Variants in FHIP1A observed in about 807,000 individuals in gnomAD.
FHIP1A encodes FHF complex subunit HOOK-interacting protein 1A.
Under a neutral mutation model 88.6 loss-of-function variants are expected in FHIP1A, and 61 were observed. The ratio of observed to expected loss-of-function variants is 0.69; its 90% CI spans 0.56 to 0.85. FHIP1A has a LOEUF of 0.85. Ranked by LOEUF, FHIP1A falls within the 40% of genes least tolerant of loss-of-function variation. The pLI is 0.00. For missense variants in FHIP1A, 1,154 were observed against 1,273.5 expected (o/e 0.91, Z 1.43); for synonymous variants, 478 against 496.0 (o/e 0.96, Z 0.48).
intron 7 of FHIP1A, among the ~76,000 whole-genome samples, chr4:151,621,426 T>G (rs1438209864): frequency 6.6e-6 from 1 of 152,112 alleles, no homozygotes; most frequent in Non-Finnish European, 1.5e-5. Context: ...GAAATCTGTC[T>G]TTTATCATCA....
At position 151,542,730 on chromosome 4, in the gene FHIP1A, C is replaced by G. The variant is rs1732343055; in HGVS notation, c.-122-23408C>G. 2.6e-5 allele frequency among the ~76,000 whole-genome samples: 4 copies of G among 152,196 alleles called. No individual in the cohort carries two copies. The South Asian group carries it at 8.3e-4, about 32-fold the overall frequency. On this transcript the variant is annotated intron_variant, in intron 3 of 13. Transcript: ENST00000435205. ...GTGGCAGTTCCTGCTCCTCAAAAGT[C>G]AGTTGTCTTCCCTGGGGGAAATAAG...
chr4:151,459,237 G>T (rs1343406079), intron 2 of FHIP1A, among the ~76,000 whole-genome samples: 1 of 151,436 alleles, frequency 6.6e-6, no homozygotes, highest in Non-Finnish European at 1.5e-5. Flanking sequence ...CTTGACTTTT[G>T]TTCCTGAAAA....
At chr4:151,600,992 C>T (rs1734847030) in intron 7 of FHIP1A, among the ~76,000 whole-genome samples, 1 of 152,090 alleles carries the variant, frequency 6.6e-6, no homozygotes, top group Admixed American at 6.5e-5. Context: ...TTTATAGTAG[C>T]AGTATTAAAG....
Position 151,650,295 on chromosome 4 carries a change from A to G in FHIP1A, c.2254A>G (p.Ile752Val), listed in dbSNP as rs1736976893. 1.3e-6 allele frequency: 2 copies of G among 1,550,694 alleles called. No homozygotes were observed. The highest frequency in any genetic ancestry group is 1.7e-6 in the Non-Finnish European group (2 of 1,146,180). ...CGCCCACCCGGAGAGCGAGGAGCTCATTGCCCAGTATGACCAAATCATTAA... is the reference window on the plus strand; with the variant it reads ...CGCCCACCCGGAGAGCGAGGAGCTCGTTGCCCAGTATGACCAAATCATTAA... ...TAAHPESEELIAQYDQIIKEL... is the reference protein window; with the variant it reads ...TAAHPESEELVAQYDQIIKEL... The change falls in exon 11 of 14, where the codon ATT becomes GTT. Residue 752 changes from isoleucine (I) to valine (V), a missense_variant. Physicochemically the swap from Ile to Val is conservative, Grantham distance 29. Coordinates refer to ENST00000435205, the MANE Select transcript of FHIP1A (RefSeq NM_001109977.3).
chr4:151,414,464 TC>T (rs1347895696), intron 1 of FHIP1A, among the ~76,000 whole-genome samples: 1 of 152,210 alleles, frequency 6.6e-6, no homozygotes, highest in African/African-American at 2.4e-5. Flanking sequence ...GTTTTTCGAG[TC>T]TGCAGAATCT....
intron 8 of FHIP1A, among the ~76,000 whole-genome samples, chr4:151,633,763 A>G (rs1736243922): frequency 6.6e-6 from 1 of 151,954 alleles, no homozygotes; most frequent in Admixed American, 6.6e-5. Context: ...CCCTTTCATG[A>G]TAAAAGCACT....
chr4:151,494,929 C>T (rs974705781), intron 3 of FHIP1A, among the ~76,000 whole-genome samples: 2 of 152,070 alleles, frequency 1.3e-5, no homozygotes. Context: ...AGGTATTTTT[C>T]TTTTTGTGGC....
At chr4:151,506,737 C>T (rs955597138) in intron 3 of FHIP1A, among the ~76,000 whole-genome samples, 8 of 152,138 alleles carry the variant, frequency 5.3e-5, no homozygotes, top group East Asian at 3.9e-4. Context: ...CCCACCAGGC[C>T]GCATCTCCAA....
At chr4:151,598,298 C>T (rs1034357429) in intron 7 of FHIP1A, among the ~76,000 whole-genome samples, 1 of 152,296 alleles carries the variant, frequency 6.6e-6, no homozygotes, top group Non-Finnish European at 1.5e-5. Flanking sequence ...AGTTCCCCGA[C>T]TCCTCGAGCT....
At chr4:151,599,689 G>A (rs1734788735) in intron 7 of FHIP1A, among the ~76,000 whole-genome samples, 1 of 152,220 alleles carries the variant, frequency 6.6e-6, no homozygotes. Context: ...CAGAGCAAAT[G>A]TGGAGAAGAT....
intron 7 of FHIP1A, among the ~76,000 whole-genome samples, chr4:151,628,887 T>C (rs930625983): frequency 6.6e-6 from 1 of 152,218 alleles, no homozygotes; most frequent in African/African-American, 2.4e-5. Context: ...TGCTAGCTCT[T>C]AAAATACTCC....
At chr4:151,495,602 T>C (rs1322490636) in intron 3 of FHIP1A, among the ~76,000 whole-genome samples, 1 of 151,534 alleles carries the variant, frequency 6.6e-6, no homozygotes, top group Non-Finnish European at 1.5e-5. Context: ...TGATTTTTAT[T>C]ATCTTTTTGT....
chr4:151,638,566 A>T (rs1304296584), intron 8 of FHIP1A, 111 bp from the exon 9 acceptor site: 3 of 182,446 alleles, frequency 1.6e-5, no homozygotes, highest in African/African-American at 5.2e-5. Flanking sequence ...CAAAACTGCT[A>T]AAAAAAAAAA....
At chr4:151,546,893 G>A (rs1328813076) in intron 3 of FHIP1A, among the ~76,000 whole-genome samples, 2 of 152,188 alleles carry the variant, frequency 1.3e-5, no homozygotes, top group Non-Finnish European at 2.9e-5. Context: ...CTGGCCTCAA[G>A]AGGTAGGGGG....
At chr4:151,455,169 C>T (rs1436842080) in intron 2 of FHIP1A, among the ~76,000 whole-genome samples, 1 of 152,176 alleles carries the variant, frequency 6.6e-6, no homozygotes, top group Non-Finnish European at 1.5e-5. Context: ...ATTTTACACA[C>T]ACAACTTATA....
At chr4:151,621,247 T>C in intron 7 of FHIP1A, among the ~76,000 whole-genome samples, 1 of 152,134 alleles carries the variant, frequency 6.6e-6, no homozygotes, top group East Asian at 1.9e-4. Flanking sequence ...TCTGATGGGA[T>C]GCTCCTCTGT....
In FHIP1A at chr4:151,663,737, A is replaced by G. The variant is rs891517250; in HGVS notation, c.*983A>G. On this transcript the variant is annotated 3_prime_UTR_variant, in exon 14 of 14. Transcript: ENST00000435205. ...AACACTGATCATTATTTAAAATTCTATTCCCTTTTGCTAGTAAGCTGCACT... is the reference window on the plus strand; with the variant it reads ...AACACTGATCATTATTTAAAATTCTGTTCCCTTTTGCTAGTAAGCTGCACT... 1.3e-5 allele frequency: 2 copies of G among 152,194 alleles called. No homozygotes were observed. Among genetic ancestry groups the G allele is most frequent in the African/African-American group, 4.8e-5 (2 of 41,448 alleles). The allele number at this position is 152,194 out of a possible 1,614,324, so 9.4% of individuals were successfully genotyped here.
intron 2 of FHIP1A, among the ~76,000 whole-genome samples, chr4:151,476,948 T>A (rs1023476594): frequency 1.3e-5 from 2 of 152,068 alleles, no homozygotes; most frequent in African/African-American, 4.8e-5. Flanking sequence ...ATGCTGTATG[T>A]GAAGGCGTTT....
At chr4:151,528,558 A>C (rs1428406131) in intron 3 of FHIP1A, among the ~76,000 whole-genome samples, 1 of 152,236 alleles carries the variant, frequency 6.6e-6, no homozygotes, top group Non-Finnish European at 1.5e-5. Context: ...AGGCCAGGCT[A>C]GGAGGAGGTG....
Sources: gnomAD v4.1 joint callset for allele counts (sites outside exome capture counted in the v4.1 genomes callset) on GRCh38, gnomAD v4.1.1 for gene constraint, MANE v1.5 for transcripts, NCBI Gene and HGNC (gene_info 2026-07-23, HGNC 2026-07-21) for gene names.